The following GRIK2 variants were observed in gnomAD, a reference collection of about 807,000 sequenced individuals.
GRIK2 encodes glutamate receptor ionotropic, kainate 2.
Under a neutral mutation model 100.3 loss-of-function variants are expected in GRIK2, and 32 were observed. The ratio of observed to expected loss-of-function variants is 0.32; its 90% confidence interval spans 0.24 to 0.43. GRIK2 has a LOEUF of 0.43. Among genes scored for constraint, GRIK2 ranks in the 20% least tolerant of loss-of-function variants. GRIK2 has a pLI of 1.00. For synonymous variants in GRIK2, 417 were observed against 389.4 expected (o/e 1.07, Z -0.83); for missense variants, 843 against 1,114.9 (o/e 0.76, Z 3.47).
At chr6:101,575,179 C>T (rs1777737597) in intron 2 of GRIK2, among the ~76,000 whole-genome samples, 1 of 151,708 alleles carries the variant, frequency 6.6e-6, no homozygotes, top group Admixed American at 6.6e-5. Flanking sequence ...CTCCCCAACT[C>T]TCAAAAAATT....
At chr6:101,676,500 A>G in intron 4 of GRIK2, 123 bp from the exon 5 acceptor site, 1 of 598,606 alleles carries the variant, frequency 1.7e-6, no homozygotes, top group Non-Finnish European at 2.8e-6. Context: ...AAACCTATGT[A>G]ACCACAAAAA....
At chr6:101,512,283 T>C (rs1774362066) in intron 2 of GRIK2, among the ~76,000 whole-genome samples, 1 of 151,960 alleles carries the variant, frequency 6.6e-6, no homozygotes. Flanking sequence ...GGTATTTTTG[T>C]TTTGGCTAAA....
At chr6:101,473,049 A>G (rs935973806) in intron 2 of GRIK2, among the ~76,000 whole-genome samples, 1 of 151,454 alleles carries the variant, frequency 6.6e-6, no homozygotes, top group Non-Finnish European at 1.5e-5. Context: ...TATATATATT[A>G]TTACACCTCT....
chr6:101,500,614 G>A (rs191089479), intron 2 of GRIK2, among the ~76,000 whole-genome samples: 107 of 152,166 alleles, frequency 7.0e-4, no homozygotes, highest in East Asian at 6.8e-3. Flanking sequence ...AAGAAAAAGC[G>A]TGAACTTGTT....
At chr6:101,493,474 G>T (rs145185248) in intron 2 of GRIK2, among the ~76,000 whole-genome samples, 2 of 152,016 alleles carry the variant, frequency 1.3e-5, no homozygotes, top group Non-Finnish European at 2.9e-5. Context: ...ATTTCTTAGA[G>T]ACAATGACTG....
intron 14 of GRIK2, among the ~76,000 whole-genome samples, chr6:101,950,884 A>G (rs1393073568): frequency 6.6e-6 from 1 of 152,188 alleles, no homozygotes; most frequent in East Asian, 1.9e-4. Context: ...GGCATAGTGT[A>G]GACAAAGAAA....
intron 14 of GRIK2, among the ~76,000 whole-genome samples, chr6:101,931,584 A>G (rs1343559265): frequency 1.3e-5 from 2 of 152,120 alleles, no homozygotes; most frequent in Non-Finnish European, 2.9e-5. Flanking sequence ...GAATAATTCC[A>G]TTTCCAAAGA....
intron 15 of GRIK2, among the ~76,000 whole-genome samples, chr6:102,045,278 C>A (rs866901358): frequency 6.6e-6 from 1 of 152,022 alleles, no homozygotes; most frequent in African/African-American, 2.4e-5. Context: ...ATAAATTAGT[C>A]TTCAGGAAAG....
intron 14 of GRIK2, among the ~76,000 whole-genome samples, chr6:101,984,081 G>A (rs1793877021): frequency 1.3e-5 from 2 of 151,746 alleles, no homozygotes; most frequent in Admixed American, 1.3e-4. Flanking sequence ...ATATACTACA[G>A]CTACATGAAA....
intron 2 of GRIK2, among the ~76,000 whole-genome samples, chr6:101,581,224 ACACT>A (rs200411205): frequency 0.017 from 2,165 of 131,174 alleles, 46 homozygotes; most frequent in African/African-American, 0.065. Context: ...ACATTCACAC[ACACT>A]CACACACATA....
intron 14 of GRIK2, among the ~76,000 whole-genome samples, chr6:101,942,165 G>A (rs1215007338): frequency 6.6e-6 from 1 of 152,028 alleles, no homozygotes; most frequent in Non-Finnish European, 1.5e-5. Flanking sequence ...ATGTGATTTG[G>A]CTCTGTTTCC....
intron 4 of GRIK2, among the ~76,000 whole-genome samples, chr6:101,638,894 A>G (rs180957445): frequency 6.6e-6 from 1 of 152,060 alleles, no homozygotes; most frequent in East Asian, 1.9e-4. Flanking sequence ...GGCTGAGGTG[A>G]GATGATTGCT....
chr6:101,891,573 AT>A (rs913365122), intron 12 of GRIK2: 1 of 390,072 alleles, frequency 2.6e-6, no homozygotes, highest in Non-Finnish European at 4.9e-6. Context: ...CACACAGATA[AT>A]TTTTTACATA....
intron 14 of GRIK2, among the ~76,000 whole-genome samples, chr6:101,943,201 G>T (rs1187720830): frequency 1.3e-5 from 2 of 152,208 alleles, no homozygotes; most frequent in East Asian, 3.9e-4. Context: ...ATGTGGTGTT[G>T]GGCCTGTGGG....
chr6:101,714,291 AC>A (rs1285749509), intron 7 of GRIK2, among the ~76,000 whole-genome samples: 1 of 151,676 alleles, frequency 6.6e-6, no homozygotes, highest in Admixed American at 6.6e-5. Context: ...GTCTTACAAT[AC>A]CTGTTGGAAA....
intron 11 of GRIK2, among the ~76,000 whole-genome samples, chr6:101,863,765 T>C (rs114992344): frequency 1.5e-4 from 23 of 152,282 alleles, no homozygotes; most frequent in African/African-American, 5.5e-4. Flanking sequence ...CTGTGTAGCT[T>C]TGGGAAAGTT....
intron 7 of GRIK2, among the ~76,000 whole-genome samples, chr6:101,697,809 C>T (rs949023818): frequency 2.6e-5 from 4 of 152,018 alleles, no homozygotes; most frequent in Non-Finnish European, 4.4e-5. Context: ...CTTAGCTATT[C>T]GATGAAACCA....
rs1491238763 is a variant in GRIK2, at chr6:101,760,695, T to TATATATTTAATTATATTTA, written c.952-38947_952-38946insTTAATTATATTTAATATAT. 0.036 allele frequency among the ~76,000 whole-genome samples: 2,857 copies of TATATATTTAATTATATTTA among 79,978 alleles called. 370 individuals are homozygous for TATATATTTAATTATATTTA. The East Asian group carries it at 0.45, about 13-fold the overall frequency. 52.5% of individuals were successfully genotyped at this position (79,978 alleles called of 152,430 possible). ...AATTATATATTTAATTATATATAAT[T>TATATATTTAATTATATTTA]ATATATAATTATATATTTAATTATA... is the stretch of plus-strand genomic sequence containing the variant. On this transcript the variant is annotated intron_variant, in intron 7 of 16. Coordinates refer to ENST00000369134, the MANE Select transcript of GRIK2 (RefSeq NM_021956.5).
intron 11 of GRIK2, among the ~76,000 whole-genome samples, chr6:101,877,462 G>C (rs1785936998): frequency 6.6e-6 from 1 of 151,872 alleles, no homozygotes; most frequent in Non-Finnish European, 1.5e-5. Context: ...GATGTGCATA[G>C]GTTATATGCA....
Sources: allele counts gnomAD v4.1 joint callset (sites outside exome capture counted in the v4.1 genomes callset), GRCh38; gene constraint gnomAD v4.1.1; transcripts MANE v1.5; gene names NCBI Gene and HGNC (gene_info 2026-07-23, HGNC 2026-07-21).